The following PIBF1 variants were observed in gnomAD, a reference collection of about 807,000 sequenced individuals.
The protein encoded by PIBF1 is progesterone-induced-blocking factor 1.
PIBF1 carries 90 observed loss-of-function variants against 112.5 expected under a neutral mutation model. The ratio of observed to expected loss-of-function variants is 0.80; its 90% CI spans 0.67 to 0.95. The LOEUF (loss-of-function observed/expected upper bound fraction) is 0.95. PIBF1 is among the 40% of genes least tolerant of loss of function. The pLI, the probability that PIBF1 is intolerant of heterozygous loss-of-function variation, is 0.00. For synonymous variants in PIBF1, 301 were observed against 288.6 expected (o/e 1.04, Z -0.44); for missense variants, 915 against 852.3 (o/e 1.07, Z -0.92).
chr13:72,847,148 A>G (rs2037913338), intron 9 of PIBF1, among the ~76,000 whole-genome samples: 1 of 152,218 alleles, frequency 6.6e-6, no homozygotes. Context: ...AATGGATTTA[A>G]GCAAATATTT....
intron 10 of PIBF1, among the ~76,000 whole-genome samples, chr13:72,857,048 A>G (rs1378051349): frequency 2.0e-5 from 3 of 152,348 alleles, no homozygotes; most frequent in South Asian, 2.1e-4. Flanking sequence ...AAGTTAAACT[A>G]TGCATTTAAT....
At chr13:72,941,664 C>T (rs2042011432) in intron 14 of PIBF1, among the ~76,000 whole-genome samples, 1 of 152,100 alleles carries the variant, frequency 6.6e-6, no homozygotes, top group South Asian at 2.1e-4. Context: ...CAAGGTTTAG[C>T]TACCTGGAAT....
intron 9 of PIBF1, among the ~76,000 whole-genome samples, chr13:72,849,422 T>C (rs1350460615): frequency 1.3e-5 from 2 of 152,226 alleles, no homozygotes; most frequent in African/African-American, 4.8e-5. Context: ...TTTGAATTCC[T>C]GTAATTTGTT....
Position 72,945,277 on chromosome 13 carries a change from C to A in PIBF1, c.1833+14010C>A, listed in dbSNP as rs547150680. 5.9e-5 allele frequency among the ~76,000 whole-genome samples: 9 copies of A among 152,230 alleles called. No homozygotes were observed. In the East Asian group the frequency reaches 1.4e-3, roughly 23 times the overall value. Reference sequence around the variant, plus strand: ...CCATGGTGTATATGTATGATAATTTCTTTATCCAATCCATTGTTATGGGCA... The same window carrying A: ...CCATGGTGTATATGTATGATAATTTATTTATCCAATCCATTGTTATGGGCA... On this transcript the variant is annotated intron_variant, in intron 14 of 17. Coordinates refer to ENST00000326291, the MANE Select transcript of PIBF1 (RefSeq NM_006346.4).
chr13:72,974,899 T>C (rs2042981668), intron 16 of PIBF1, among the ~76,000 whole-genome samples: 1 of 152,172 alleles, frequency 6.6e-6, no homozygotes, highest in Non-Finnish European at 1.5e-5. Context: ...TTACTATACT[T>C]TTGCATTCCC....
At chr13:72,875,855 A>T (rs182754169) in intron 10 of PIBF1, among the ~76,000 whole-genome samples, 21 of 152,222 alleles carry the variant, frequency 1.4e-4, no homozygotes, top group Admixed American at 1.2e-3. Context: ...TGAGATAAGT[A>T]TTTTGCAAGT....
intron 13 of PIBF1, among the ~76,000 whole-genome samples, chr13:72,927,988 TAC>T (rs779852391): frequency 0.011 from 590 of 52,454 alleles, 10 homozygotes; most frequent in African/African-American, 0.021. Context: ...CATATATATA[TAC>T]ACACACATAT....
chr13:72,953,785 C>T (rs1387889007), intron 14 of PIBF1, among the ~76,000 whole-genome samples: 1 of 152,092 alleles, frequency 6.6e-6, no homozygotes, highest in Non-Finnish European at 1.5e-5. Context: ...GGCTACCAGC[C>T]AGGAGGTGGT....
intron 17 of PIBF1, among the ~76,000 whole-genome samples, chr13:73,014,811 T>C (rs2044334540): frequency 6.6e-6 from 1 of 152,098 alleles, no homozygotes; most frequent in Non-Finnish European, 1.5e-5. Context: ...TTTTTTTACA[T>C]GATGTCTTGC....
intron 10 of PIBF1, among the ~76,000 whole-genome samples, chr13:72,867,532 G>A (rs1235395479): frequency 6.6e-6 from 1 of 152,136 alleles, no homozygotes; most frequent in East Asian, 1.9e-4. Context: ...AGGTAGAGCA[G>A]TCTCTGACTA....
At chr13:72,812,466 T>C (rs1449845467) in intron 5 of PIBF1, among the ~76,000 whole-genome samples, 1 of 152,090 alleles carries the variant, frequency 6.6e-6, no homozygotes, top group East Asian at 1.9e-4. Context: ...GCACAGTGGC[T>C]CACGGCTGTA....
At chr13:72,814,909 A>G (rs1393392938) in intron 5 of PIBF1, among the ~76,000 whole-genome samples, 1 of 152,212 alleles carries the variant, frequency 6.6e-6, no homozygotes, top group Non-Finnish European at 1.5e-5. Flanking sequence ...CCAACAAAAT[A>G]TAGATTACTA....
chr13:72,946,175 T>C lies in PIBF1; in HGVS notation c.1833+14908T>C, dbSNP rs117211892. Among the ~76,000 whole-genome samples, 114 of 152,142 alleles carry C rather than the reference T, an allele frequency of 7.5e-4. 11 individuals are homozygous for C. The East Asian group carries it at 0.022, about 30-fold the overall frequency. On this transcript the variant is annotated intron_variant, in intron 14 of 17. Transcript: ENST00000326291. ...CAGGGCTGAGGAGGCCTCAGGAAAC[T>C]TACAGTCATGGTGAAAGGGGAAGCA...
intron 2 of PIBF1, among the ~76,000 whole-genome samples, chr13:72,791,717 C>T (rs1426213251): frequency 6.6e-6 from 1 of 151,894 alleles, no homozygotes; most frequent in African/African-American, 2.4e-5. Flanking sequence ...ACTGCAGCCT[C>T]CGCCTTCCAG....
intron 17 of PIBF1, among the ~76,000 whole-genome samples, chr13:73,003,040 C>T (rs868142707): frequency 1.5e-4 from 19 of 128,328 alleles, no homozygotes; most frequent in Middle Eastern, 0.01. Flanking sequence ...GCAAACAATA[C>T]GATTGTGCAC....
At chr13:72,862,368 C>A (rs1312472216) in intron 10 of PIBF1, among the ~76,000 whole-genome samples, 1 of 152,170 alleles carries the variant, frequency 6.6e-6, no homozygotes, top group African/African-American at 2.4e-5. Flanking sequence ...ACTTGGGAGG[C>A]TGAGGCAAGA....
At chr13:72,957,529 G>C (rs1706352439) in intron 14 of PIBF1, among the ~76,000 whole-genome samples, 1 of 152,060 alleles carries the variant, frequency 6.6e-6, no homozygotes. Context: ...GTGGGAGCAG[G>C]GTGGAGGATA....
intron 5 of PIBF1, among the ~76,000 whole-genome samples, chr13:72,818,335 TC>T (rs1268753474): frequency 5.9e-5 from 9 of 152,140 alleles, no homozygotes; most frequent in Admixed American, 2.6e-4. Flanking sequence ...GATTTAGTCT[TC>T]CTTTCCACTT....
chr13:72,989,965 G>T (rs189071734), intron 16 of PIBF1, among the ~76,000 whole-genome samples: 391 of 152,210 alleles, frequency 2.6e-3, no homozygotes, highest in African/African-American at 9.3e-3. Flanking sequence ...TGTAATCTCA[G>T]CACTTTGGGA....
Sources: allele counts gnomAD v4.1 joint callset (sites outside exome capture counted in the v4.1 genomes callset), GRCh38; gene constraint gnomAD v4.1.1; transcripts MANE v1.5; gene names NCBI Gene and HGNC (gene_info 2026-07-23, HGNC 2026-07-21).